Variants in GLP1R observed in about 807,000 individuals in gnomAD.
GLP1R encodes the protein glucagon like peptide 1 receptor.
A neutral mutation model predicts 68.4 loss-of-function variants in GLP1R; 32 were observed. The observed-to-expected ratio is 0.47, with a 90% CI of 0.35 to 0.63. GLP1R has a LOEUF of 0.63. Among genes scored for constraint, GLP1R ranks in the 20% least tolerant of loss-of-function variants. The pLI is 0.00. For missense variants in GLP1R, 502 were observed against 594.9 expected (o/e 0.84, Z 1.62); for synonymous variants, 263 against 244.4 (o/e 1.08, Z -0.71).
At position 39,079,433 on chromosome 6, in the gene GLP1R, G is replaced by A; in HGVS notation, c.1044-131G>A. 1.0e-6 allele frequency: 1 copy of A among 980,572 alleles called. No homozygotes were observed. The highest frequency in any genetic ancestry group is 1.5e-6 in the Non-Finnish European group (1 of 663,948). The allele number at this position is 980,572 out of a possible 1,614,324, so 60.7% of individuals were successfully genotyped here. A position where few individuals can be genotyped will look rare whatever the true frequency, so the allele number is the denominator to read the frequency against. On this transcript the variant is annotated intron_variant, in intron 10 of 12. Coordinates refer to ENST00000373256, the MANE Select transcript of GLP1R (RefSeq NM_002062.5). The surrounding 1 kb of genome is among the most constrained non-coding windows in gnomAD (Gnocchi z 4.5). ...TTTCCCTCCAGGCAGCCTGTCCCAG[G>A]GTATTTGGGGTGGGAGAACATCCAT...
At position 39,086,384 on chromosome 6, in the gene GLP1R, C is replaced by T; in HGVS notation, c.*311C>T. On this transcript the variant is annotated 3_prime_UTR_variant, in exon 13 of 13. Transcript: ENST00000373256. This position sits in a 1 kb window ranked among gnomAD's most constrained non-coding sequence, Gnocchi z 4.5. ...ATTGCTTCTTGTGAAACCACAGGCC[C>T]TTGGGGTTCCCCCAGACAGAGCCGC... 3.4e-6 allele frequency: 1 copy of T among 290,452 alleles called. No individual in the cohort carries two copies. Among genetic ancestry groups the T allele is most frequent in the Non-Finnish European group, 6.4e-6 (1 of 155,294 alleles). 18.0% of individuals were successfully genotyped at this position (290,452 alleles called of 1,614,324 possible). A position where few individuals can be genotyped will look rare whatever the true frequency, so the allele number is the denominator to read the frequency against.
In GLP1R at chr6:39,088,715, C is replaced by A. The variant is rs1013428812; in HGVS notation, c.*2642C>A. 1.3e-5 allele frequency among the ~76,000 whole-genome samples: 2 copies of A among 152,230 alleles called. No homozygotes were observed. Among genetic ancestry groups the A allele is most frequent in the African/African-American group, 4.8e-5 (2 of 41,470 alleles). ...ACACTTATATTGCAAAGTTCCTTCC[C>A]TTTAAAATGAGCTTCTGGATTGCAG... On this transcript the variant is annotated 3_prime_UTR_variant, in exon 13 of 13. Transcript: ENST00000373256.
chr6:39,062,001 C>T (rs1768368255), intron 3 of GLP1R, among the ~76,000 whole-genome samples: 1 of 152,172 alleles, frequency 6.6e-6, no homozygotes, highest in Admixed American at 6.5e-5. Context: ...GCTTCTGCAT[C>T]TGTAAAATGG....
At chr6:39,065,208 G>A (rs1333129784) in intron 3 of GLP1R, among the ~76,000 whole-genome samples, 1 of 152,264 alleles carries the variant, frequency 6.6e-6, no homozygotes, top group East Asian at 1.9e-4. Context: ...GGAACTCAGT[G>A]CCAACCTTGT....
chr6:39,057,715 A>G lies in GLP1R; in HGVS notation c.283+136A>G, dbSNP rs1768251266. ...TACCTGCCCTGGGCCAGCAGTGGTG[A>G]GCCCCCTCCCTGACCTGGTACCTGC... On this transcript the variant is annotated intron_variant, in intron 3 of 12. Coordinates refer to ENST00000373256, the MANE Select transcript of GLP1R (RefSeq NM_002062.5). 4 of 547,814 alleles carry G rather than the reference A, an allele frequency of 7.3e-6. No homozygotes were observed. The South Asian group carries it at 7.3e-5, about 10-fold the overall frequency. 33.9% of individuals were successfully genotyped at this position (547,814 alleles called of 1,614,324 possible).
intron 5 of GLP1R, among the ~76,000 whole-genome samples, chr6:39,068,453 C>A (rs748199913): frequency 6.6e-6 from 1 of 152,182 alleles, no homozygotes. Context: ...TCTGTAGCGG[C>A]CCCACACCTG....
intron 5 of GLP1R, 27 bp from the exon 6 acceptor site, chr6:39,072,835 A>C (rs1314853446): frequency 6.2e-7 from 1 of 1,606,026 alleles, no homozygotes; most frequent in African/African-American, 1.3e-5. Flanking sequence ...CTGCCTTGCC[A>C]GGGAAAGGCC....
Position 39,088,963 on chromosome 6 carries a change from C to T in GLP1R, c.*2890C>T, listed in dbSNP as rs1769215200. 1.3e-5 allele frequency among the ~76,000 whole-genome samples: 2 copies of T among 152,128 alleles called. No individual in the cohort carries two copies. Among genetic ancestry groups the T allele is most frequent in the Admixed American group, 1.3e-4 (2 of 15,272 alleles). On this transcript the variant is annotated 3_prime_UTR_variant, in exon 13 of 13. Transcript: ENST00000373256. ...CCCTTTTCTCTCAGTCTAGTGAGGC[C>T]TCTGGGAAGGATAGGTGAAAACTAT... is the stretch of plus-strand genomic sequence containing the variant.
intron 5 of GLP1R, among the ~76,000 whole-genome samples, chr6:39,067,745 C>T (rs7765879): frequency 0.45 from 69,098 of 152,038 alleles, 16,376 homozygotes; most frequent in Non-Finnish European, 0.51. Context: ...TAATTCATCC[C>T]AGCATTAACT....
rs1234621946 is a variant in GLP1R at position 39,086,111 on chromosome 6, G to A, written c.*38G>A. ...TGCCCTCCCTGGGGTCCTTGCTGCA[G>A]GCCGGGTGGCCAATCCAGGTGGGAG... On this transcript the variant is annotated 3_prime_UTR_variant, in exon 13 of 13. Coordinates refer to ENST00000373256, the MANE Select transcript of GLP1R (RefSeq NM_002062.5). The surrounding 1 kb of genome is among the most constrained non-coding windows in gnomAD (Gnocchi z 4.5). The A allele has an allele frequency of 6.3e-7, 1 of 1,594,920 alleles. No individual in the cohort carries two copies. Among genetic ancestry groups the A allele is most frequent in the Admixed American group, 1.7e-5 (1 of 59,550 alleles).
chr6:39,062,476 C>T (rs1049235491), intron 3 of GLP1R, among the ~76,000 whole-genome samples: 1 of 152,328 alleles, frequency 6.6e-6, no homozygotes, highest in East Asian at 1.9e-4. Flanking sequence ...GCTCACTGAG[C>T]GAGGGACACA....
intron 3 of GLP1R, among the ~76,000 whole-genome samples, chr6:39,061,884 A>ACAAG (rs1768366065): frequency 6.6e-6 from 1 of 152,178 alleles, no homozygotes; most frequent in Non-Finnish European, 1.5e-5. Context: ...GATGCTCTAC[A>ACAAG]GTACCCTTCA....
intron 7 of GLP1R, 32 bp from the exon 8 acceptor site, chr6:39,078,290 C>T: frequency 6.4e-7 from 1 of 1,560,130 alleles, no homozygotes; most frequent in Non-Finnish European, 8.8e-7. Flanking sequence ...CCTGCCAGCC[C>T]CTCTCCCCTT....
At chr6:39,062,882 A>G (rs114696285) in intron 3 of GLP1R, among the ~76,000 whole-genome samples, 7,149 of 152,296 alleles carry the variant, frequency 0.047, 245 homozygotes, top group East Asian at 0.11. Context: ...TCTAATGTCC[A>G]AAGGTGTCAG....
intron 1 of GLP1R, among the ~76,000 whole-genome samples, chr6:39,054,302 G>T (rs1312531756): frequency 6.6e-6 from 1 of 152,094 alleles, no homozygotes; most frequent in South Asian, 2.1e-4. Context: ...TAAATACGAG[G>T]CGTGGGAGAG....
intron 1 of GLP1R, among the ~76,000 whole-genome samples, chr6:39,055,563 C>T (rs1214586026): frequency 1.3e-5 from 2 of 152,232 alleles, no homozygotes; most frequent in African/African-American, 2.4e-5. Flanking sequence ...GCTCTCCCTA[C>T]TCACAGGTGA....
At chr6:39,055,627 C>A (rs933709124) in intron 1 of GLP1R, among the ~76,000 whole-genome samples, 4 of 152,096 alleles carry the variant, frequency 2.6e-5, no homozygotes, top group Non-Finnish European at 5.9e-5. Flanking sequence ...CCTCCCTGAC[C>A]CCTTCACCTC....
intron 12 of GLP1R, among the ~76,000 whole-genome samples, chr6:39,081,094 G>T (rs1307911057): frequency 2.0e-5 from 3 of 151,636 alleles, no homozygotes; most frequent in Non-Finnish European, 4.4e-5. Context: ...CATGCTTGGG[G>T]CTTTAATAAT....
At chr6:39,068,808 G>A (rs985051700) in intron 5 of GLP1R, among the ~76,000 whole-genome samples, 1 of 152,178 alleles carries the variant, frequency 6.6e-6, no homozygotes, top group African/African-American at 2.4e-5. Context: ...CCCCAGAACT[G>A]TTCTGCTCTC....
Sources: allele counts gnomAD v4.1 joint callset (sites outside exome capture counted in the v4.1 genomes callset), GRCh38; gene constraint gnomAD v4.1.1; non-coding constraint Gnocchi (gnomAD v3.1); transcripts MANE v1.5; gene names NCBI Gene and HGNC (gene_info 2026-07-23, HGNC 2026-07-21).